PNPLA3: variants seen among roughly 807,000 people sequenced by gnomAD.
The protein encoded by PNPLA3 is 1-acylglycerol-3-phosphate O-acyltransferase PNPLA3.
PNPLA3 carries 42 observed loss-of-function variants against 43.1 expected under a neutral mutation model. The observed-to-expected ratio is 0.97, with a 90% CI of 0.76 to 1.26. The LOEUF (loss-of-function observed/expected upper bound fraction) is 1.26. Among genes scored for constraint, PNPLA3 ranks in the 50% most tolerant of loss-of-function variants. The pLI, the probability that PNPLA3 is intolerant of heterozygous loss-of-function variation, is 0.00. For synonymous variants in PNPLA3, 272 were observed against 253.6 expected, an observed-to-expected ratio of 1.07 and a Z score of -0.69; for missense variants, 647 against 621.4, an observed-to-expected ratio of 1.04 and a Z score of -0.44.
intron 6 of PNPLA3, among the ~76,000 whole-genome samples, chr22:43,937,581 AC>A (rs1350448497): frequency 6.6e-6 from 1 of 151,698 alleles, no homozygotes; most frequent in Non-Finnish European, 1.5e-5. Context: ...GGCCCTCTGT[AC>A]CCCTTTCCAA....
intron 3 of PNPLA3, 55 bp from the exon 4 acceptor site, chr22:43,932,823 A>G: frequency 6.6e-7 from 1 of 1,525,652 alleles, no homozygotes; most frequent in Non-Finnish European, 9.1e-7. Flanking sequence ...TTAAGCACTT[A>G]AGCACTAACC....
At position 43,940,094 on chromosome 22, in the gene PNPLA3, C is replaced by T. The variant is rs1304256777; in HGVS notation, c.1081C>T (p.Pro361Ser). 2 of 1,614,002 alleles carry T rather than the reference C, an allele frequency of 1.2e-6. No individual in the cohort carries two copies. Among genetic ancestry groups the T allele is most frequent in the Admixed American group, 1.7e-5 (1 of 60,008 alleles). Residue 361 changes from proline to serine, a missense_variant, in exon 7 of 9, where the codon CCT becomes TCT. Pro to Ser is a moderately conservative substitution (Grantham distance 74). Transcript: ENST00000216180. ...MSYVMLPCTL[P>S]VESAIAIVQR... ...TTATGTAATGCTGCCCTGTACCCTG[C>T]CTGTGGAATCTGCCATTGCGATTGT...
At chr22:43,930,411 A>G (rs987834815) in intron 3 of PNPLA3, among the ~76,000 whole-genome samples, 1 of 152,130 alleles carries the variant, frequency 6.6e-6, no homozygotes, top group African/African-American at 2.4e-5. Context: ...ACCAAAGCAT[A>G]TTTTGGATTT....
Position 43,923,853 on chromosome 22 carries a change from A to G in PNPLA3, c.-59A>G. ...CGGAGCTGCTGCGGATCAGGACCCG[A>G]GCCGATTCCCGATCCCGACCCAGAT... On this transcript the variant is annotated 5_prime_UTR_variant, in exon 1 of 9. Coordinates refer to ENST00000216180, the MANE Select transcript of PNPLA3 (RefSeq NM_025225.3). 1 of 1,417,550 alleles carries G rather than the reference A, an allele frequency of 7.1e-7. No individual in the cohort carries two copies. The highest frequency in any genetic ancestry group is 1.5e-5 in the South Asian group (1 of 68,182). 87.8% of individuals were successfully genotyped at this position (1,417,550 alleles called of 1,614,324 possible).
chr22:43,943,321 G>A (rs2050043122), intron 7 of PNPLA3, among the ~76,000 whole-genome samples: 3 of 151,996 alleles, frequency 2.0e-5, no homozygotes, highest in Admixed American at 1.3e-4. Context: ...AGCAACAGAG[G>A]ACTTGGAGCT....
chr22:43,947,454 T>G lies in PNPLA3; in HGVS notation c.*1072T>G, dbSNP rs2050070865. ...GCCAAGCACAGCAGGAGCTTCCGCC[T>G]CCTCTCCACTGGAGCACACAACTTG... is the stretch of plus-strand genomic sequence containing the variant. On this transcript the variant is annotated 3_prime_UTR_variant, in exon 9 of 9. Coordinates refer to ENST00000216180, the MANE Select transcript of PNPLA3 (RefSeq NM_025225.3). The G allele has an allele frequency of 1.3e-5, 2 of 157,330 alleles. No individual in the cohort carries two copies. Among genetic ancestry groups the G allele is most frequent in the Middle Eastern group, 3.2e-3 (1 of 312 alleles). 9.7% of individuals were successfully genotyped at this position (157,330 alleles called of 1,614,324 possible).
At chr22:43,926,832 G>A (rs894773615) in intron 1 of PNPLA3, 103 bp from the exon 2 acceptor site, 17 of 940,578 alleles carry the variant, frequency 1.8e-5, no homozygotes, top group Non-Finnish European at 2.3e-5. Context: ...TACTGGTCTA[G>A]AGAAATGTTG....
chr22:43,934,720 G>C, intron 5 of PNPLA3, 54 bp downstream of exon 5: 2 of 1,530,038 alleles, frequency 1.3e-6, no homozygotes, highest in East Asian at 4.5e-5. Flanking sequence ...ATTTACTAGC[G>C]GTCTTGGTAA....
At chr22:43,930,434 C>T (rs1465519782) in intron 3 of PNPLA3, among the ~76,000 whole-genome samples, 5 of 152,186 alleles carry the variant, frequency 3.3e-5, no homozygotes, top group Non-Finnish European at 5.9e-5. Context: ...GACATTGCCA[C>T]AGCATGGTTG....
Position 43,927,151 on chromosome 22 carries a change from A to G in PNPLA3, c.404A>G (p.Lys135Arg). Residue 135 changes from lysine (K) to arginine (R), a missense_variant, in exon 2 of 9, where the codon AAA becomes AGA. Lys to Arg is a conservative substitution (Grantham distance 26, BLOSUM62 2). Coordinates refer to ENST00000216180, the MANE Select transcript of PNPLA3 (RefSeq NM_025225.3). ...GTTCTGGTGTCTGACTTTCGGTCCA[A>G]AGACGAAGTCGTGGATGTAAGCAGT... Reference protein sequence around the residue: ...ENVLVSDFRSKDEVVDALVCS... With the variant: ...ENVLVSDFRSRDEVVDALVCS... 6.2e-7 allele frequency: 1 copy of G among 1,614,092 alleles called. No individual in the cohort carries two copies. The highest frequency in any genetic ancestry group is 8.5e-7 in the Non-Finnish European group (1 of 1,179,952).
Position 43,927,093 on chromosome 22 carries a change from A to ATC in PNPLA3, c.352_353dup (p.Thr119LeufsTer52). 6.2e-7 allele frequency: 1 copy of ATC among 1,614,238 alleles called. No individual in the cohort carries two copies. Among genetic ancestry groups the ATC allele is most frequent in the Non-Finnish European group, 8.5e-7 (1 of 1,180,054 alleles). On this transcript the variant is annotated frameshift_variant, in exon 2 of 9. Transcript: ENST00000216180. LOFTEE classifies it high-confidence loss of function. The stretch of plus-strand genomic sequence containing the variant: ...CCAGCTCATCTCCGGCAAAATAGGC[A>ATC]TCTCTCTTACCAGAGTGTCTGATGG...
At chr22:43,939,926 C>T (rs897333036) in intron 6 of PNPLA3, 67 bp from the exon 7 acceptor site, 4 of 1,611,872 alleles carry the variant, frequency 2.5e-6, no homozygotes, top group African/African-American at 1.3e-5. Context: ...TGCTAAGCAC[C>T]AACAGAGTAA....
At chr22:43,924,932 G>C (rs893441901) in intron 1 of PNPLA3, among the ~76,000 whole-genome samples, 4 of 152,134 alleles carry the variant, frequency 2.6e-5, no homozygotes, top group African/African-American at 7.2e-5. Context: ...ACAGGCGTGA[G>C]CCACTGCTCC....
chr22:43,937,036 C>T lies in PNPLA3; in HGVS notation c.758-15C>T. On this transcript the variant is annotated splice_polypyrimidine_tract_variant and intron_variant, in intron 5 of 8. Transcript: ENST00000216180. ...CACGTTCGCCTGATGGGCTTGTTTT[C>T]CGTGCCCTTCACAGGCATCTGCAAC... The T allele has an allele frequency of 1.2e-6, 2 of 1,607,132 alleles. No individual in the cohort carries two copies. The highest frequency in any genetic ancestry group is 1.7e-6 in the Non-Finnish European group (2 of 1,175,528).
intron 6 of PNPLA3, among the ~76,000 whole-genome samples, chr22:43,938,900 G>A (rs765464625): frequency 4.7e-4 from 72 of 152,180 alleles, no homozygotes; most frequent in Admixed American, 7.9e-4. Flanking sequence ...TAGATGCTGT[G>A]ACGTTTGATG....
In PNPLA3 at chr22:43,923,998, G is replaced by C; in HGVS notation, c.87G>C (p.Leu29=). The change falls in exon 1 of 9, where the codon CTG becomes CTC. Residue 29 remains leucine, a synonymous_variant. Transcript: ENST00000216180. Reference sequence around the variant, plus strand: ...ACCACGTCGGGGCGACCCGCTGCCTGAGCGAGCACGCCCCGCACCTCCTCC... The same window carrying C: ...ACCACGTCGGGGCGACCCGCTGCCTCAGCGAGCACGCCCCGCACCTCCTCC... ...GFYHVGATRC[L]SEHAPHLLRD... The C allele has an allele frequency of 6.3e-7, 1 of 1,584,880 alleles. No individual in the cohort carries two copies. The highest frequency in any genetic ancestry group is 8.5e-7 in the Non-Finnish European group (1 of 1,174,204).
intron 8 of PNPLA3, 126 bp downstream of exon 8, chr22:43,944,921 C>T (rs2050053475): frequency 2.4e-6 from 2 of 817,716 alleles, no homozygotes; most frequent in Non-Finnish European, 4.0e-6. Context: ...GGTGTGGGGA[C>T]CCTGTCTCAT....
chr22:43,933,037 A>G lies in PNPLA3; in HGVS notation c.646A>G (p.Thr216Ala). ...DITKLSLRLC[T>A]GNLYLLSRAF... ...CACCAAGCTCAGTCTACGCCTCTGC[A>G]CAGGGAACCTCTACCTTCTCTCGAG... The change falls in exon 4 of 9, where the codon ACA (threonine) becomes GCA (alanine). Residue 216 changes from threonine to alanine, a missense_variant. Thr to Ala is a moderately conservative substitution (Grantham distance 58). Transcript: ENST00000216180. 1 of 1,614,166 alleles carries G rather than the reference A, an allele frequency of 6.2e-7. No individual in the cohort carries two copies.
At position 43,934,684 on chromosome 22, in the gene PNPLA3, G is replaced by A. The variant is rs543894236; in HGVS notation, c.757+18G>A. ...AGAGAAGGGTATGTATGGGCTGGGA[G>A]GATCAGCCATGCCCTTTTGACAAGC... On this transcript the variant is annotated intron_variant, in intron 5 of 8. Coordinates refer to ENST00000216180, the MANE Select transcript of PNPLA3 (RefSeq NM_025225.3). 18 of 1,600,198 alleles carry A rather than the reference G, an allele frequency of 1.1e-5. 1 individual carries two copies. The South Asian group carries it at 1.3e-4, about 12-fold the overall frequency.
Sources: gnomAD v4.1 joint callset for allele counts (sites outside exome capture counted in the v4.1 genomes callset) on GRCh38, gnomAD v4.1.1 for gene constraint, MANE v1.5 for transcripts, NCBI Gene and HGNC (gene_info 2026-07-23, HGNC 2026-07-21) for gene names.